NCEH1: variants seen among roughly 807,000 people sequenced by gnomAD.
NCEH1 encodes neutral cholesterol ester hydrolase 1, also known as 2-acetyl MAGE hydrolase.
In NCEH1, 9 loss-of-function variants were observed where a neutral mutation model predicts 25.4. The ratio of observed to expected loss-of-function variants is 0.35; its 90% CI spans 0.21 to 0.62. The LOEUF is 0.62. Ranked by LOEUF, NCEH1 falls within the 20% of genes least tolerant of loss-of-function variation. The pLI is 0.72. For missense variants in NCEH1, 412 were observed against 501.1 expected, an observed-to-expected ratio of 0.82 and a Z score of 1.70; for synonymous variants, 200 against 199.8, an observed-to-expected ratio of 1.00 and a Z score of -0.01.
intron 1 of NCEH1, among the ~76,000 whole-genome samples, chr3:172,681,576 A>G (rs1712377218): frequency 6.6e-6 from 1 of 151,994 alleles, no homozygotes; most frequent in Admixed American, 6.6e-5. Context: ...TACACTACAC[A>G]TGGAACACCC....
At chr3:172,653,744 G>GTTTTTTTTTTTTTTTTTTTTTTT (rs796835886) in intron 1 of NCEH1, among the ~76,000 whole-genome samples, 1 of 95,674 alleles carries the variant, frequency 1.0e-5, no homozygotes, top group African/African-American at 4.2e-5. Context: ...TGTTTTTTTT[G>GTTTTTTTTTTTTTTTTTTTTTTT]TTTTTTTGTT....
At position 172,683,665 on chromosome 3, in the gene NCEH1, G is replaced by A. The variant is rs182031803; in HGVS notation, c.138+27182C>T. 9.9e-4 allele frequency among the ~76,000 whole-genome samples: 151 copies of A among 152,294 alleles called. No individual in the cohort carries two copies. In the Middle Eastern group the frequency reaches 0.027, roughly 27 times the overall value. Reference sequence around the variant, plus strand: ...CGCCCTCCAGGCTGAGTGACAGGGCGAGACCCTGTCTCAAAAAACAAAATA... The same window carrying A: ...CGCCCTCCAGGCTGAGTGACAGGGCAAGACCCTGTCTCAAAAAACAAAATA... On this transcript the variant is annotated intron_variant, in intron 1 of 4. Coordinates refer to ENST00000475381, the MANE Select transcript of NCEH1 (RefSeq NM_020792.6).
chr3:172,677,993 C>G (rs1712116751), intron 1 of NCEH1, among the ~76,000 whole-genome samples: 1 of 152,240 alleles, frequency 6.6e-6, no homozygotes, highest in South Asian at 2.1e-4. Flanking sequence ...ACCCACTGCT[C>G]TGAATATTAT....
intron 1 of NCEH1, among the ~76,000 whole-genome samples, chr3:172,676,517 G>C (rs934393229): frequency 6.6e-6 from 1 of 152,010 alleles, no homozygotes; most frequent in Non-Finnish European, 1.5e-5. Flanking sequence ...CCAATCCCCT[G>C]GGCCCTATGC....
rs200461753 is a variant in NCEH1 at position 172,653,715 on chromosome 3, TTTG to T, written c.139-5604_139-5602del. Among the ~76,000 whole-genome samples the T allele has an allele frequency of 7.1e-3, 761 of 107,858 alleles. 7 individuals carry two copies. Among genetic ancestry groups the T allele is most frequent in the Non-Finnish European group, 0.011 (563 of 51,504 alleles). The allele number at this position is 107,858 out of a possible 152,430, so 70.8% of individuals were successfully genotyped here. On this transcript the variant is annotated intron_variant, in intron 1 of 4. Coordinates refer to ENST00000475381, the MANE Select transcript of NCEH1 (RefSeq NM_020792.6). Reference sequence around the variant, plus strand: ...TGCAAGTATTGGAAAGTGGTTTGTTTTTGTTGTTGTTGTTGTTCTGTTTTTTTT... The same window carrying T: ...TGCAAGTATTGGAAAGTGGTTTGTTTTTGTTGTTGTTGTTCTGTTTTTTTT...
intron 1 of NCEH1, among the ~76,000 whole-genome samples, chr3:172,689,411 T>C (rs1712897693): frequency 6.6e-6 from 1 of 151,110 alleles, no homozygotes; most frequent in South Asian, 2.1e-4. Context: ...AGCGCCCGCC[T>C]AATTTTTGTA....
chr3:172,690,443 A>G (rs1712972263), intron 1 of NCEH1, among the ~76,000 whole-genome samples: 1 of 152,248 alleles, frequency 6.6e-6, no homozygotes, highest in South Asian at 2.1e-4. Context: ...TGTTCTGGAA[A>G]AGTGTGTAGC....
chr3:172,695,029 C>T lies in NCEH1; in HGVS notation c.138+15818G>A, dbSNP rs114779984. Among the ~76,000 whole-genome samples, 1,266 of 152,272 alleles carry T rather than the reference C, an allele frequency of 8.3e-3. 23 individuals carry two copies. Among genetic ancestry groups the T allele is most frequent in the African/African-American group, 0.029 (1,191 of 41,546 alleles). The stretch of plus-strand genomic sequence containing the variant: ...TCCAAGTACTAGCACATAATAATTG[C>T]TCAACTAACATGATAGAGAGGACAT... On this transcript the variant is annotated intron_variant, in intron 1 of 4. Transcript: ENST00000475381.
intron 1 of NCEH1, among the ~76,000 whole-genome samples, chr3:172,654,435 G>A (rs1331892016): frequency 6.6e-6 from 1 of 152,216 alleles, no homozygotes; most frequent in Admixed American, 6.5e-5. Flanking sequence ...AGATCATTGC[G>A]TAAAAAAGTG....
intron 1 of NCEH1, among the ~76,000 whole-genome samples, chr3:172,649,071 G>A (rs1717268741): frequency 6.6e-6 from 1 of 152,128 alleles, no homozygotes; most frequent in Non-Finnish European, 1.5e-5. Context: ...TGTCTGCGAT[G>A]TGGCACCTTA....
At position 172,669,916 on chromosome 3, in the gene NCEH1, T is replaced by C. The variant is rs75472168; in HGVS notation, c.139-21802A>G. On this transcript the variant is annotated intron_variant, in intron 1 of 4. Transcript: ENST00000475381. ...ATCCATAATATTAGTTGATAGTCCA[T>C]AATTCTAAATCCAGCATTTTTCAAA... Among the ~76,000 whole-genome samples the C allele has an allele frequency of 5.9e-3, 895 of 152,342 alleles. 9 individuals are homozygous for C. The highest frequency in any genetic ancestry group is 0.021 in the African/African-American group (854 of 41,576).
intron 1 of NCEH1, among the ~76,000 whole-genome samples, chr3:172,653,744 G>GTTTTTTTTTTTTTTTTTTTTTTTT (rs796835886): frequency 4.2e-5 from 4 of 95,672 alleles, no homozygotes; most frequent in African/African-American, 1.7e-4. Flanking sequence ...TGTTTTTTTT[G>GTTTTTTTTTTTTTTTTTTTTTTTT]TTTTTTTGTT....
At chr3:172,645,294 C>G (rs1717065150) in intron 3 of NCEH1, among the ~76,000 whole-genome samples, 1 of 152,134 alleles carries the variant, frequency 6.6e-6, no homozygotes, top group Non-Finnish European at 1.5e-5. Context: ...AGAAGAGATT[C>G]TCTTAAAATC....
rs561806646 is a variant in NCEH1, at chr3:172,631,693, A to G, written c.*1782T>C. ...TGTTGCATTGACTTCTGTTTTGTAC[A>G]TAAAATGCTACTGGCTCATACAATA... On this transcript the variant is annotated 3_prime_UTR_variant, in exon 5 of 5. Transcript: ENST00000475381. 1 of 152,782 alleles carries G rather than the reference A, an allele frequency of 6.5e-6. No homozygotes were observed. Among genetic ancestry groups the G allele is most frequent in the East Asian group, 1.9e-4 (1 of 5,192 alleles). The allele number at this position is 152,782 out of a possible 1,614,324, so 9.5% of individuals were successfully genotyped here.
intron 1 of NCEH1, among the ~76,000 whole-genome samples, chr3:172,705,282 T>C (rs985721425): frequency 6.6e-6 from 1 of 152,170 alleles, no homozygotes; most frequent in Non-Finnish European, 1.5e-5. Context: ...ACTCAGCTGA[T>C]AGCAATAACC....
At chr3:172,701,509 G>A (rs887071307) in intron 1 of NCEH1, among the ~76,000 whole-genome samples, 8 of 145,604 alleles carry the variant, frequency 5.5e-5, no homozygotes, top group African/African-American at 1.9e-4. Flanking sequence ...GAGTGCAGTG[G>A]TGCAATCTTG....
intron 1 of NCEH1, among the ~76,000 whole-genome samples, chr3:172,709,252 A>C (rs1001847220): frequency 9.2e-5 from 14 of 152,250 alleles, no homozygotes; most frequent in African/African-American, 3.4e-4. Flanking sequence ...TGGTGACCTG[A>C]AAACTAAGAA....
Position 172,633,169 on chromosome 3 carries a change from CA to C in NCEH1, c.*305del, listed in dbSNP as rs1283974888. On this transcript the variant is annotated 3_prime_UTR_variant, in exon 5 of 5. Transcript: ENST00000475381. ...AGAACGTCCTAATGAAGGCAGGACC[CA>C]AAGTTATTTCCAGTTCCTAGTCCTG... 9.9e-6 allele frequency: 3 copies of C among 302,338 alleles called. No homozygotes were observed. 18.7% of individuals were successfully genotyped at this position (302,338 alleles called of 1,614,324 possible). A position where few individuals can be genotyped will look rare whatever the true frequency, so the allele number is the denominator to read the frequency against.
intron 1 of NCEH1, among the ~76,000 whole-genome samples, chr3:172,695,405 C>T (rs1318931628): frequency 6.6e-6 from 1 of 152,186 alleles, no homozygotes; most frequent in African/African-American, 2.4e-5. Flanking sequence ...TGGCAAAGCC[C>T]AGTGGAGCTC....
Sources: allele counts gnomAD v4.1 joint callset (sites outside exome capture counted in the v4.1 genomes callset), GRCh38; gene constraint gnomAD v4.1.1; transcripts MANE v1.5; gene names NCBI Gene and HGNC (gene_info 2026-07-23, HGNC 2026-07-21).